SYT1: variants seen among roughly 807,000 people sequenced by gnomAD.
SYT1 encodes synaptotagmin-1.
A neutral mutation model predicts 44.8 loss-of-function variants in SYT1; 8 were observed. That is an observed-to-expected ratio of 0.18 (90% CI 0.10 to 0.32). SYT1 has a LOEUF of 0.32. Ranked by LOEUF, SYT1 falls within the 10% of genes least tolerant of loss-of-function variation. The pLI, the probability that SYT1 is intolerant of heterozygous loss-of-function variation, is 1.00. For missense variants in SYT1, 286 were observed against 509.3 expected, an observed-to-expected ratio of 0.56 and a Z score of 4.22; for synonymous variants, 154 against 188.8, an observed-to-expected ratio of 0.82 and a Z score of 1.51.
chr12:79,014,299 A>G lies in SYT1; in HGVS notation c.-83-32998A>G, dbSNP rs1213200446. Among the ~76,000 whole-genome samples, 4 of 152,280 alleles carry G rather than the reference A, an allele frequency of 2.6e-5. No individual in the cohort carries two copies. The East Asian group carries it at 7.7e-4, about 29-fold the overall frequency. The stretch of plus-strand genomic sequence containing the variant: ...TTTAACCTGAAACCTATGTTCAGAT[A>G]TGATTCCCAGTCTTTTCAAATACTT... On this transcript the variant is annotated intron_variant, in intron 2 of 10. Coordinates refer to ENST00000261205, the MANE Select transcript of SYT1 (RefSeq NM_005639.3).
chr12:78,867,226 C>T (rs1175130054), intron 1 of SYT1, among the ~76,000 whole-genome samples: 1 of 152,032 alleles, frequency 6.6e-6, no homozygotes, highest in Non-Finnish European at 1.5e-5. Flanking sequence ...AGCCAGCTGC[C>T]TTCATGTGAG....
At chr12:79,092,810 G>T (rs1273575917) in intron 3 of SYT1, among the ~76,000 whole-genome samples, 1 of 151,672 alleles carries the variant, frequency 6.6e-6, no homozygotes, top group Non-Finnish European at 1.5e-5. Context: ...GATGCTTTTA[G>T]AGAAGAAGCA....
chr12:79,440,879 T>C (rs1449881620), intron 9 of SYT1, among the ~76,000 whole-genome samples: 1 of 152,170 alleles, frequency 6.6e-6, no homozygotes, highest in African/African-American at 2.4e-5. Flanking sequence ...GAGCAAGGTC[T>C]AGATCTCAGA....
At chr12:78,918,962 A>G (rs1876825983) in intron 1 of SYT1, among the ~76,000 whole-genome samples, 1 of 152,090 alleles carries the variant, frequency 6.6e-6, no homozygotes, top group Admixed American at 6.6e-5. Context: ...TTTGGAAAGA[A>G]AAATGGTAAT....
intron 4 of SYT1, among the ~76,000 whole-genome samples, chr12:79,268,174 TG>T (rs1878231162): frequency 6.6e-6 from 1 of 152,202 alleles, no homozygotes; most frequent in African/African-American, 2.4e-5. Flanking sequence ...ATTGTGACTT[TG>T]TGTATATCAA....
chr12:79,011,833 C>A (rs1474915168), intron 2 of SYT1, among the ~76,000 whole-genome samples: 1 of 151,730 alleles, frequency 6.6e-6, no homozygotes, highest in Non-Finnish European at 1.5e-5. Flanking sequence ...TCTTAAGAAC[C>A]ATCTGTGGGT....
At chr12:78,896,498 T>C (rs535983446) in intron 1 of SYT1, among the ~76,000 whole-genome samples, 1 of 151,856 alleles carries the variant, frequency 6.6e-6, no homozygotes, top group African/African-American at 2.4e-5. Flanking sequence ...ACCCAAAATT[T>C]TACCTGAAAC....
chr12:78,964,395 G>T (rs1023035840), intron 1 of SYT1, among the ~76,000 whole-genome samples: 1 of 152,068 alleles, frequency 6.6e-6, no homozygotes, highest in African/African-American at 2.4e-5. Context: ...ACAGAGAAAA[G>T]AAATCCTTTA....
chr12:79,097,163 A>C (rs895726539), intron 3 of SYT1, among the ~76,000 whole-genome samples: 4 of 151,956 alleles, frequency 2.6e-5, no homozygotes, highest in African/African-American at 9.7e-5. Flanking sequence ...CTGAAGCCAC[A>C]GATGTGGATG....
chr12:79,153,000 C>T (rs1180318255), intron 3 of SYT1, among the ~76,000 whole-genome samples: 2 of 151,414 alleles, frequency 1.3e-5, no homozygotes, highest in Non-Finnish European at 2.9e-5. Context: ...TAAGAATATT[C>T]AAGACCCTTT....
chr12:79,041,624 C>T (rs1873582234), intron 2 of SYT1, among the ~76,000 whole-genome samples: 3 of 152,074 alleles, frequency 2.0e-5, no homozygotes, highest in African/African-American at 7.2e-5. Context: ...ATTTCCTTCT[C>T]CTGCCTAATT....
intron 1 of SYT1, among the ~76,000 whole-genome samples, chr12:78,924,212 GATGT>G (rs1263900324): frequency 6.6e-6 from 1 of 151,840 alleles, no homozygotes; most frequent in Non-Finnish European, 1.5e-5. Flanking sequence ...CCATTATGGT[GATGT>G]TAACTTCAAT....
chr12:78,990,431 A>G (rs1869940499), intron 2 of SYT1, among the ~76,000 whole-genome samples: 1 of 152,176 alleles, frequency 6.6e-6, no homozygotes, highest in African/African-American at 2.4e-5. Context: ...ATTGACATTT[A>G]AACCATGACT....
Position 79,392,075 on chromosome 12 carries a change from A to G in SYT1, c.928+38456A>G, listed in dbSNP as rs79321059. Among the ~76,000 whole-genome samples the G allele has an allele frequency of 4.1e-3, 623 of 152,366 alleles. 6 individuals carry two copies. Among genetic ancestry groups the G allele is most frequent in the African/African-American group, 0.014 (574 of 41,598 alleles). On this transcript the variant is annotated intron_variant, in intron 9 of 10. Transcript: ENST00000261205. ...AATGCGTAGGTACCACTAGACACCT[A>G]TTATTAATCATTGTTTCTCCAAAGA...
At chr12:79,048,825 G>A (rs2137776134) in intron 3 of SYT1, among the ~76,000 whole-genome samples, 1 of 151,942 alleles carries the variant, frequency 6.6e-6, no homozygotes, top group East Asian at 1.9e-4. Context: ...TATGAAATAA[G>A]TGAGAAATTT....
intron 2 of SYT1, among the ~76,000 whole-genome samples, chr12:79,018,715 T>C (rs1871977087): frequency 6.6e-6 from 1 of 152,032 alleles, no homozygotes; most frequent in South Asian, 2.1e-4. Context: ...GAAAAGTTGC[T>C]CCTTATGGGT....
chr12:79,253,525 C>CTCTCTCTCT (rs55895805), intron 4 of SYT1, among the ~76,000 whole-genome samples: 1 of 143,978 alleles, frequency 6.9e-6, no homozygotes, highest in Non-Finnish European at 1.5e-5. Flanking sequence ...CTCTCTCTCT[C>CTCTCTCTCT]ACCTCAGAAA....
intron 4 of SYT1, among the ~76,000 whole-genome samples, chr12:79,221,755 TA>T (rs1452051969): frequency 4.6e-5 from 7 of 152,328 alleles, no homozygotes; most frequent in African/African-American, 1.4e-4. Context: ...CATATTCCTT[TA>T]AAAAATTATT....
intron 1 of SYT1, among the ~76,000 whole-genome samples, chr12:78,936,300 A>G (rs916926655): frequency 6.6e-6 from 1 of 152,156 alleles, no homozygotes; most frequent in Non-Finnish European, 1.5e-5. Context: ...AATCAGTATT[A>G]TCTCTAAGTT....
Sources: allele counts gnomAD v4.1 joint callset (sites outside exome capture counted in the v4.1 genomes callset), GRCh38; gene constraint gnomAD v4.1.1; transcripts MANE v1.5; gene names NCBI Gene and HGNC (gene_info 2026-07-23, HGNC 2026-07-21).